The following MAN2A2 variants were observed in gnomAD, a reference collection of about 807,000 sequenced individuals.
MAN2A2 encodes the protein mannosidase alpha class 2A member 2.
Under a neutral mutation model 126.8 loss-of-function variants are expected in MAN2A2, and 79 were observed. The observed-to-expected ratio is 0.62, with a 90% CI of 0.52 to 0.75. The LOEUF (loss-of-function observed/expected upper bound fraction) is 0.75, where lower values mean the gene tolerates loss of function less well. Among genes scored for constraint, MAN2A2 ranks in the 30% least tolerant of loss-of-function variants. The pLI, the probability that MAN2A2 is intolerant of heterozygous loss-of-function variation, is 0.00. For synonymous variants in MAN2A2, 671 were observed against 618.7 expected, an observed-to-expected ratio of 1.08 and a Z score of -1.25; for missense variants, 1,392 against 1,522.4, an observed-to-expected ratio of 0.91 and a Z score of 1.43.
chr15:90,915,992 C>T (rs897905682), intron 19 of MAN2A2, 131 bp from the exon 20 acceptor site: 3 of 1,037,422 alleles, frequency 2.9e-6, no homozygotes, highest in Non-Finnish European at 4.2e-6. Context: ...CGTGACCTCT[C>T]CTGAGTGACT....
At chr15:90,907,599 C>G in intron 8 of MAN2A2, 104 bp downstream of exon 8, 3 of 1,067,388 alleles carry the variant, frequency 2.8e-6, no homozygotes, top group South Asian at 1.6e-5. Flanking sequence ...GTTGAGGCTC[C>G]TAGCCTCTGC....
chr15:90,913,614 G>T lies in MAN2A2; in HGVS notation c.2719G>T (p.Val907Leu). The change falls in exon 19 of 23, where the codon GTG becomes TTG. Residue 907 changes from valine to leucine, a missense_variant and splice_region_variant. By Grantham distance (32) the Val-to-Leu change is conservative (BLOSUM62 1). Coordinates refer to ENST00000559717, the MANE Select transcript of MAN2A2 (RefSeq NM_006122.4). The stretch of plus-strand genomic sequence containing the variant: ...TGATCTGCTGGCCTTGCCCCCACAG[G>T]TGCAGCCCCGACGGTATCTGAAGAA... ...IFFTDLNGFQ[V>L]QPRRYLKKLP... 2 of 1,610,620 alleles carry T rather than the reference G, an allele frequency of 1.2e-6. No individual in the cohort carries two copies. The highest frequency in any genetic ancestry group is 2.2e-5 in the South Asian group (2 of 90,532).
chr15:90,911,519 C>T lies in MAN2A2; in HGVS notation c.2078C>T (p.Ser693Phe). 3.1e-6 allele frequency: 5 copies of T among 1,613,700 alleles called. No individual in the cohort carries two copies. The highest frequency in any genetic ancestry group is 1.3e-5 in the African/African-American group (1 of 75,068). ...LAVQISAHWSSATEAVPDVYQ... is the reference protein window; with the variant it reads ...LAVQISAHWSFATEAVPDVYQ... Reference sequence around the variant, plus strand: ...GTGCAGATCAGCGCACACTGGAGCTCTGCCACCGAGGCGGTCCCTGACGTC... The same window carrying T: ...GTGCAGATCAGCGCACACTGGAGCTTTGCCACCGAGGCGGTCCCTGACGTC... Residue 693 changes from serine (S) to phenylalanine (F), a missense_variant, in exon 14 of 23, where the codon TCT becomes TTT. Physicochemically the swap from Ser to Phe is radical, Grantham distance 155. Coordinates refer to ENST00000559717, the MANE Select transcript of MAN2A2 (RefSeq NM_006122.4).
At position 90,918,711 on chromosome 15, in the gene MAN2A2, G is replaced by C. The variant is rs1336765496; in HGVS notation, c.3256G>C (p.Glu1086Gln). 6.6e-7 allele frequency: 1 copy of C among 1,521,664 alleles called. No homozygotes were observed. Among genetic ancestry groups the C allele is most frequent in the African/African-American group, 1.4e-5 (1 of 72,762 alleles). The allele number at this position is 1,521,664 out of a possible 1,614,324, so 94.3% of individuals were successfully genotyped here. The change falls in exon 22 of 23, where the codon GAG becomes CAG. Residue 1086 changes from glutamate (E) to glutamine (Q), a missense_variant. Physicochemically the swap from Glu to Gln is conservative, Grantham distance 29 (BLOSUM62 2). Coordinates refer to ENST00000559717, the MANE Select transcript of MAN2A2 (RefSeq NM_006122.4). ...CCGCAAGGGTTTTGACTGCGGCCTG[G>C]AGGCCAAGAACTTGGGCTTCAACTG... Reference protein sequence around the residue: ...LHRKGFDCGLEAKNLGFNCTT... With the variant: ...LHRKGFDCGLQAKNLGFNCTT...
intron 5 of MAN2A2, 104 bp from the exon 6 acceptor site, chr15:90,906,266 G>C (rs1182514811): frequency 1.4e-6 from 2 of 1,479,600 alleles, no homozygotes; most frequent in Non-Finnish European, 1.8e-6. Flanking sequence ...GGGATTGGGA[G>C]AACTGGTCCA....
intron 7 of MAN2A2, 22 bp downstream of exon 7, chr15:90,906,935 G>T (rs774288639): frequency 6.2e-7 from 1 of 1,612,404 alleles, no homozygotes; most frequent in Non-Finnish European, 8.5e-7. Context: ...TAGGGTAGAG[G>T]GGGTTACTGC....
intron 1 of MAN2A2, 184 bp from the exon 2 acceptor site, chr15:90,904,006 C>T (rs553123588): frequency 1.5e-6 from 1 of 671,448 alleles, no homozygotes; most frequent in African/African-American, 1.8e-5. Flanking sequence ...TCCTCTCCAC[C>T]CTAGCGGCAG....
chr15:90,912,865 C>T lies in MAN2A2; in HGVS notation c.2470-12C>T, dbSNP rs960336019. The T allele has an allele frequency of 6.2e-7, 1 of 1,608,852 alleles. No individual in the cohort carries two copies. Among genetic ancestry groups the T allele is most frequent in the Non-Finnish European group, 8.5e-7 (1 of 1,175,814 alleles). ...GTGCTGTAGTTTCAACAGCAATCTGCTCTTTCTCTAGCCCTACGTCCCCAA... is the reference window on the plus strand; with the variant it reads ...GTGCTGTAGTTTCAACAGCAATCTGTTCTTTCTCTAGCCCTACGTCCCCAA... On this transcript the variant is annotated splice_polypyrimidine_tract_variant and intron_variant, in intron 16 of 22. Transcript: ENST00000559717.
At chr15:90,906,684 G>T in intron 6 of MAN2A2, 56 bp from the exon 7 acceptor site, 2 of 1,594,060 alleles carry the variant, frequency 1.3e-6, no homozygotes, top group Non-Finnish European at 8.5e-7. Flanking sequence ...TGGAAGGCCG[G>T]GGGGCCAGCC....
In MAN2A2 at chr15:90,913,620, C is replaced by G; in HGVS notation, c.2725C>G (p.Pro909Ala). The G allele has an allele frequency of 6.2e-7, 1 of 1,611,596 alleles. No individual in the cohort carries two copies. The highest frequency in any genetic ancestry group is 8.5e-7 in the Non-Finnish European group (1 of 1,179,038). Residue 909 changes from proline to alanine, a missense_variant, in exon 19 of 23, where the codon CCC becomes GCC. By Grantham distance (27) the Pro-to-Ala change is conservative. Transcript: ENST00000559717. ...GCTGGCCTTGCCCCCACAGGTGCAG[C>G]CCCGACGGTATCTGAAGAAGCTCCC... is the stretch of plus-strand genomic sequence containing the variant. ...FTDLNGFQVQ[P>A]RRYLKKLPLQ...
chr15:90,913,685 T>C lies in MAN2A2; in HGVS notation c.2790T>C (p.Tyr930=). Reference sequence around the variant, plus strand: ...TCTACCCCATGCCAGTCATGGCCTATATCCAGGACGCACAGAAGCGCCTCA... The same window carrying C: ...TCTACCCCATGCCAGTCATGGCCTACATCCAGGACGCACAGAAGCGCCTCA... ...ANFYPMPVMA[Y]IQDAQKRLTL... The change falls in exon 19 of 23, where the codon TAT becomes TAC. Residue 930 remains tyrosine (Y), a synonymous_variant. Coordinates refer to ENST00000559717, the MANE Select transcript of MAN2A2 (RefSeq NM_006122.4). 2.5e-6 allele frequency: 4 copies of C among 1,610,610 alleles called. No individual in the cohort carries two copies. The highest frequency in any genetic ancestry group is 3.4e-6 in the Non-Finnish European group (4 of 1,178,530).
chr15:90,918,934 A>AT (rs779469108), intron 22 of MAN2A2, among the ~76,000 whole-genome samples, 179 bp downstream of exon 22: 31 of 152,192 alleles, frequency 2.0e-4, no homozygotes, highest in South Asian at 6.2e-4. Flanking sequence ...GGAGTTCCAG[A>AT]CAAGGTAGAT....
chr15:90,911,433 G>A lies in MAN2A2; in HGVS notation c.1992G>A (p.Val664=), dbSNP rs1240958971. The A allele has an allele frequency of 7.4e-6, 12 of 1,614,244 alleles. No homozygotes were observed. The highest frequency in any genetic ancestry group is 9.3e-6 in the Non-Finnish European group (11 of 1,180,038). ...TGGAACAGGAGCGATTCAGCATGGTGTCCCTGCTGGTCAACTCTCCCCGCG... is the reference window on the plus strand; with the variant it reads ...TGGAACAGGAGCGATTCAGCATGGTATCCCTGCTGGTCAACTCTCCCCGCG... ...NPLEQERFSM[V]SLLVNSPRVR... The change falls in exon 14 of 23, where the codon GTG becomes GTA. Residue 664 remains valine, a synonymous_variant. Transcript: ENST00000559717.
chr15:90,913,370 C>T lies in MAN2A2; in HGVS notation c.2682C>T (p.Ser894=). 6.2e-7 allele frequency: 1 copy of T among 1,601,844 alleles called. No homozygotes were observed. The highest frequency in any genetic ancestry group is 8.6e-7 in the Non-Finnish European group (1 of 1,168,888). The change falls in exon 18 of 23, where the codon AGC becomes AGT. Residue 894 remains serine, a synonymous_variant. Transcript: ENST00000559717. ...LALHIHTDID[S]QGIFFTDLNG... The stretch of plus-strand genomic sequence containing the variant: ...TGCACATCCATACAGACATCGACAG[C>T]CAGGGTATCTTCTTCACAGACCTCA...
In MAN2A2 at chr15:90,913,201, C is replaced by T. The variant is rs999114838; in HGVS notation, c.2585-72C>T. ...AGCCTCTCCCCAGCTCGGCTCTGAT[C>T]CCCCAGCCCAGCCTCTTAGCTGTGC... is the stretch of plus-strand genomic sequence containing the variant. On this transcript the variant is annotated intron_variant, in intron 17 of 22. Coordinates refer to ENST00000559717, the MANE Select transcript of MAN2A2 (RefSeq NM_006122.4). The T allele has an allele frequency of 7.0e-6, 11 of 1,560,288 alleles. No homozygotes were observed. The African/African-American group carries it at 9.5e-5, about 14-fold the overall frequency.
intron 14 of MAN2A2, 171 bp downstream of exon 14, chr15:90,911,721 G>C: frequency 1.4e-6 from 1 of 721,844 alleles, no homozygotes; most frequent in Non-Finnish European, 2.2e-6. Flanking sequence ...TGGGATTTGA[G>C]CGTGTCCTTG....
At chr15:90,916,507 C>A in intron 20 of MAN2A2, 1 of 1,324,388 alleles carries the variant, frequency 7.6e-7, no homozygotes, top group Non-Finnish European at 1.0e-6. Flanking sequence ...CTCTGTGCTG[C>A]CCTCCTCTGC....
In MAN2A2 at chr15:90,919,923, T is replaced by G. The variant is rs936642670; in HGVS notation, c.*136T>G. On this transcript the variant is annotated 3_prime_UTR_variant, in exon 23 of 23. Transcript: ENST00000559717. ...GACACACTGGGCTCTGCCCTCATTT[T>G]CTGTTTATTGCTGCTGCTGTGTTTT... is the stretch of plus-strand genomic sequence containing the variant. The G allele has an allele frequency of 1.2e-4, 124 of 1,062,022 alleles. No homozygotes were observed. The highest frequency in any genetic ancestry group is 1.6e-4 in the Non-Finnish European group (116 of 740,406). 65.8% of individuals were successfully genotyped at this position (1,062,022 alleles called of 1,614,324 possible).
rs531453059 is a variant in MAN2A2 at position 90,904,399 on chromosome 15, ACCTCCCACCCCGCCGCCTCC to A, written c.132+72_132+91del. The A allele has an allele frequency of 3.7e-5, 58 of 1,569,220 alleles. 1 individual carries two copies. In the South Asian group the frequency reaches 5.1e-4, roughly 14 times the overall value. On this transcript the variant is annotated intron_variant, in intron 2 of 22. Transcript: ENST00000559717. ...CAAGTCACCTGGGCTCAGGGTATGC[ACCTCCCACCCCGCCGCCTCC>A]CCTCCCACCCCCCGCTGGAGGGTAA... is the stretch of plus-strand genomic sequence containing the variant.
Sources: gnomAD v4.1 joint callset for allele counts (sites outside exome capture counted in the v4.1 genomes callset) on GRCh38, gnomAD v4.1.1 for gene constraint, MANE v1.5 for transcripts, NCBI Gene and HGNC (gene_info 2026-07-23, HGNC 2026-07-21) for gene names.